The following INIP variants were observed in gnomAD, a reference collection of about 807,000 sequenced individuals.
INIP encodes INTS3 and NABP interacting protein.
A neutral mutation model predicts 14.0 loss-of-function variants in INIP; 9 were observed. The ratio of observed to expected loss-of-function variants is 0.64; its 90% CI spans 0.39 to 1.12. The LOEUF (loss-of-function observed/expected upper bound fraction) is 1.12, where lower values mean the gene tolerates loss of function less well. Ranked by LOEUF, INIP falls within the 50% of genes most tolerant of loss-of-function variation. INIP has a pLI of 0.01. For synonymous variants in INIP, 37 were observed against 41.5 expected, an observed-to-expected ratio of 0.89 and a Z score of 0.41; for missense variants, 78 against 122.7, an observed-to-expected ratio of 0.64 and a Z score of 1.72.
intron 3 of INIP, among the ~76,000 whole-genome samples, chr9:112,691,059 C>T (rs1427714929): frequency 2.0e-5 from 3 of 152,148 alleles, no homozygotes; most frequent in East Asian, 3.8e-4. Flanking sequence ...TGTTACTTCC[C>T]GATTAAAGCT....
rs753106644 is a variant in INIP at position 112,701,501 on chromosome 9, T to C, written c.26-7268A>G. On this transcript the variant is annotated intron_variant, in intron 2 of 4. Coordinates refer to ENST00000374242, the MANE Select transcript of INIP (RefSeq NM_021218.3). ...AGACGTTTCCCTAAAAGTTACATAA[T>C]ACGAATTAAGGTAAGATAATTATGG... Among the ~76,000 whole-genome samples, 21 of 152,326 alleles carry C rather than the reference T, an allele frequency of 1.4e-4. No homozygotes were observed. The South Asian group carries it at 2.7e-3, about 20-fold the overall frequency.
intron 2 of INIP, among the ~76,000 whole-genome samples, chr9:112,695,799 GAGGAGGAGGAGAAGAAGA>G (rs1324903513): frequency 8.5e-5 from 12 of 140,862 alleles, no homozygotes; most frequent in African/African-American, 2.0e-4. Context: ...GGAGGGGGAG[GAGGAGGAGGAGAAGAAGA>G]AGGAGAAGAA....
At chr9:112,708,692 C>T (rs1181017548) in intron 2 of INIP, among the ~76,000 whole-genome samples, 1 of 151,588 alleles carries the variant, frequency 6.6e-6, no homozygotes, top group African/African-American at 2.4e-5. Context: ...GACAGGGCTG[C>T]ATTCATTTTC....
chr9:112,697,908 A>C (rs1319808077), intron 2 of INIP, among the ~76,000 whole-genome samples: 1 of 152,246 alleles, frequency 6.6e-6, no homozygotes, highest in African/African-American at 2.4e-5. Context: ...GAGTTATGAA[A>C]ACATCATTAC....
chr9:112,684,518 C>T lies in INIP; in HGVS notation c.*3020G>A, dbSNP rs1205068338. 2 of 152,202 alleles carry T rather than the reference C, an allele frequency of 1.3e-5. No individual in the cohort carries two copies. The highest frequency in any genetic ancestry group is 2.9e-5 in the Non-Finnish European group (2 of 68,060). The allele number at this position is 152,202 out of a possible 1,614,324, so 9.4% of individuals were successfully genotyped here. ...CTTGCAGTGAGCTATGATTATACCA[C>T]TGCACTCCAGCCTGGATGACAGAGC... On this transcript the variant is annotated 3_prime_UTR_variant, in exon 5 of 5. Coordinates refer to ENST00000374242, the MANE Select transcript of INIP (RefSeq NM_021218.3).
intron 3 of INIP, among the ~76,000 whole-genome samples, chr9:112,693,635 A>G (rs1001739244): frequency 6.6e-6 from 1 of 152,172 alleles, no homozygotes; most frequent in African/African-American, 2.4e-5. Flanking sequence ...GTCCCTCCCA[A>G]TAAGAACTAA....
At chr9:112,692,921 G>A (rs1358685961) in intron 3 of INIP, among the ~76,000 whole-genome samples, 1 of 150,806 alleles carries the variant, frequency 6.6e-6, no homozygotes, top group Non-Finnish European at 1.5e-5. Flanking sequence ...TGCACCTGTA[G>A]TGTGAGATAC....
In INIP at chr9:112,716,560, C is replaced by T; in HGVS notation, c.-56-19G>A. 8.2e-7 allele frequency: 1 copy of T among 1,213,338 alleles called. No homozygotes were observed. Among genetic ancestry groups the T allele is most frequent in the Non-Finnish European group, 1.2e-6 (1 of 815,578 alleles). 75.2% of individuals were successfully genotyped at this position (1,213,338 alleles called of 1,614,324 possible). On this transcript the variant is annotated intron_variant, in intron 1 of 4. Transcript: ENST00000374242. ...CAATCACCTATAAAATATGTGTACA[C>T]ACATATACAATGCACCATATTTTAA... is the stretch of plus-strand genomic sequence containing the variant.
chr9:112,716,326 G>A lies in INIP; in HGVS notation c.25+135C>T, dbSNP rs1035772793. 6 of 759,334 alleles carry A rather than the reference G, an allele frequency of 7.9e-6. No homozygotes were observed. The African/African-American group carries it at 8.8e-5, about 11-fold the overall frequency. 47.0% of individuals were successfully genotyped at this position (759,334 alleles called of 1,614,324 possible). On this transcript the variant is annotated intron_variant, in intron 2 of 4. Coordinates refer to ENST00000374242, the MANE Select transcript of INIP (RefSeq NM_021218.3). The stretch of plus-strand genomic sequence containing the variant: ...CAAAGTACTGGGATTACAGGCGTGA[G>A]CCACCGCTCCCGGCCTGCTATTCAT...
intron 2 of INIP, among the ~76,000 whole-genome samples, chr9:112,708,610 T>C (rs1838555168): frequency 6.6e-6 from 1 of 152,188 alleles, no homozygotes; most frequent in East Asian, 1.9e-4. Flanking sequence ...AATTCGTGGC[T>C]TAAAACGTCA....
At chr9:112,712,803 G>A (rs532526808) in intron 2 of INIP, among the ~76,000 whole-genome samples, 1 of 152,270 alleles carries the variant, frequency 6.6e-6, no homozygotes, top group Non-Finnish European at 1.5e-5. Context: ...AATAAGCAGA[G>A]CCTTGGAGTA....
At chr9:112,692,473 T>C (rs1056275398) in intron 3 of INIP, among the ~76,000 whole-genome samples, 5 of 151,982 alleles carry the variant, frequency 3.3e-5, no homozygotes, top group African/African-American at 1.2e-4. Flanking sequence ...TTTGTAGAGA[T>C]GGGTCTTGCC....
chr9:112,713,658 C>T (rs971934388), intron 2 of INIP, among the ~76,000 whole-genome samples: 1 of 151,440 alleles, frequency 6.6e-6, no homozygotes, highest in Non-Finnish European at 1.5e-5. Flanking sequence ...ACCTCAGAGC[C>T]CAGCCTGAGC....
At chr9:112,705,299 T>C (rs1315068580) in intron 2 of INIP, among the ~76,000 whole-genome samples, 2 of 152,040 alleles carry the variant, frequency 1.3e-5, no homozygotes, top group African/African-American at 2.4e-5. Flanking sequence ...ATAAACAATG[T>C]CTAAATGTTT....
intron 2 of INIP, among the ~76,000 whole-genome samples, chr9:112,713,757 G>A (rs577170339): frequency 4.6e-4 from 70 of 152,240 alleles, no homozygotes; most frequent in Admixed American, 1.8e-3. Flanking sequence ...TTGGGAGGCC[G>A]AGGCAGGCGG....
At chr9:112,700,632 T>G (rs1189905914) in intron 2 of INIP, among the ~76,000 whole-genome samples, 2 of 150,374 alleles carry the variant, frequency 1.3e-5, no homozygotes, top group Non-Finnish European at 3.0e-5. Context: ...TAAAACTGCC[T>G]ATATTTGACG....
chr9:112,688,048 T>C (rs930098482), intron 4 of INIP, among the ~76,000 whole-genome samples: 7 of 151,936 alleles, frequency 4.6e-5, no homozygotes, highest in African/African-American at 1.7e-4. Context: ...CTCGCACCAC[T>C]GCACTCCAGC....
At chr9:112,704,581 T>G (rs1838399684) in intron 2 of INIP, among the ~76,000 whole-genome samples, 1 of 152,178 alleles carries the variant, frequency 6.6e-6, no homozygotes, top group South Asian at 2.1e-4. Context: ...ACACCAACAC[T>G]TTAGGTTGCC....
intron 1 of INIP, 51 bp from the exon 2 acceptor site, chr9:112,716,592 A>C: frequency 1.1e-6 from 1 of 906,464 alleles, no homozygotes; most frequent in Non-Finnish European, 1.8e-6. Flanking sequence ...TTAATCACAA[A>C]CTAAAAGGAA....
Sources: gnomAD v4.1 joint callset for allele counts (sites outside exome capture counted in the v4.1 genomes callset) on GRCh38, gnomAD v4.1.1 for gene constraint, MANE v1.5 for transcripts, NCBI Gene and HGNC (gene_info 2026-07-23, HGNC 2026-07-21) for gene names.